ELMO1: variants seen among roughly 807,000 people sequenced by gnomAD.
The protein encoded by ELMO1 is engulfment and cell motility 1.
A neutral mutation model predicts 98.9 loss-of-function variants in ELMO1; 26 were observed. The observed-to-expected ratio is 0.26, with a 90% CI of 0.19 to 0.36. The LOEUF is 0.36. ELMO1 is among the 10% of genes least tolerant of loss of function. The pLI, the probability that ELMO1 is intolerant of heterozygous loss-of-function variation, is 1.00. For missense variants in ELMO1, 627 were observed against 935.2 expected (o/e 0.67, Z 4.30); for synonymous variants, 346 against 346.0 (o/e 1.00, Z 0.00).
intron 16 of ELMO1, among the ~76,000 whole-genome samples, chr7:36,989,764 G>A (rs1469768791): frequency 6.6e-6 from 1 of 152,164 alleles, no homozygotes; most frequent in Non-Finnish European, 1.5e-5. Flanking sequence ...TATGAAGAGA[G>A]AGCATGCAAG....
intron 10 of ELMO1, among the ~76,000 whole-genome samples, chr7:37,217,204 T>C (rs1320461704): frequency 6.6e-6 from 1 of 152,150 alleles, no homozygotes; most frequent in Non-Finnish European, 1.5e-5. Context: ...AGGGCAAATA[T>C]CTGGGTGATG....
At chr7:37,074,458 C>CCCA in intron 15 of ELMO1, among the ~76,000 whole-genome samples, 1 of 152,278 alleles carries the variant, frequency 6.6e-6, no homozygotes, top group Admixed American at 6.5e-5. Flanking sequence ...TCAATAAACT[C>CCCA]CCAGTGCCTG....
chr7:37,073,643 C>T (rs951547160), intron 15 of ELMO1, among the ~76,000 whole-genome samples: 1 of 151,418 alleles, frequency 6.6e-6, no homozygotes, highest in Non-Finnish European at 1.5e-5. Context: ...GTCGTCCAGG[C>T]TAGAGTACGG....
chr7:37,211,319 G>GT (rs1467161147), intron 13 of ELMO1, 67 bp downstream of exon 13: 1 of 1,609,992 alleles, frequency 6.2e-7, no homozygotes, highest in African/African-American at 1.3e-5. Context: ...AGAGACATCA[G>GT]TTATGTGGCT....
intron 16 of ELMO1, among the ~76,000 whole-genome samples, chr7:36,954,038 G>C (rs1029092187): frequency 1.3e-5 from 2 of 152,122 alleles, no homozygotes; most frequent in Admixed American, 1.3e-4. Flanking sequence ...CTACAACTTG[G>C]ACCCTTGCTC....
intron 16 of ELMO1, among the ~76,000 whole-genome samples, chr7:36,895,569 C>T (rs1051496334): frequency 2.0e-5 from 3 of 152,104 alleles, no homozygotes; most frequent in Non-Finnish European, 4.4e-5. Context: ...TGTGATATTG[C>T]CTCTTTGAGC....
At chr7:36,910,859 T>G (rs1784297390) in intron 16 of ELMO1, among the ~76,000 whole-genome samples, 1 of 152,206 alleles carries the variant, frequency 6.6e-6, no homozygotes, top group South Asian at 2.1e-4. Flanking sequence ...GTCTGTCTTT[T>G]CCTACTGCTC....
chr7:37,344,775 TGTGA>T (rs1191683349), intron 1 of ELMO1, among the ~76,000 whole-genome samples: 10 of 152,226 alleles, frequency 6.6e-5, no homozygotes, highest in Non-Finnish European at 1.5e-4. Flanking sequence ...TTTCTCTTAT[TGTGA>T]GTGAGGCTGA....
intron 1 of ELMO1, among the ~76,000 whole-genome samples, chr7:37,410,227 G>T (rs1344535948): frequency 1.3e-5 from 2 of 152,124 alleles, no homozygotes; most frequent in East Asian, 1.9e-4. Context: ...CAGTACTATT[G>T]CAGTTTGGTG....
chr7:37,108,843 G>A (rs1462263057), intron 14 of ELMO1, among the ~76,000 whole-genome samples: 4 of 152,180 alleles, frequency 2.6e-5, no homozygotes, highest in Non-Finnish European at 5.9e-5. Context: ...GCCCACAGAA[G>A]GTTCAGTCAC....
intron 11 of ELMO1, among the ~76,000 whole-genome samples, chr7:37,214,077 C>A (rs1401482844): frequency 2.6e-5 from 4 of 152,120 alleles, no homozygotes; most frequent in Non-Finnish European, 5.9e-5. Context: ...CCCATAGAAA[C>A]AGAACTGAAA....
rs572698209 is a variant in ELMO1 at position 37,010,095 on chromosome 7, C to G, written c.1437+3204G>C. Among the ~76,000 whole-genome samples the G allele has an allele frequency of 1.7e-4, 26 of 152,130 alleles. 1 individual carries two copies. In the South Asian group the frequency reaches 2.9e-3, roughly 17 times the overall value. On this transcript the variant is annotated intron_variant, in intron 16 of 21. Coordinates refer to ENST00000310758, the MANE Select transcript of ELMO1 (RefSeq NM_014800.11). The stretch of plus-strand genomic sequence containing the variant: ...TCCTTTTTAAAAAGGCTAGTGGAGG[C>G]GGAACAGGGCCATAAAAGAAAAGGG...
At chr7:37,448,985 C>A (rs1436682268), upstream of ELMO1, 3 of 152,302 alleles carry the variant, frequency 2.0e-5, no homozygotes, top group African/African-American at 4.8e-5. Context: ...GAACTCTCCT[C>A]CCGAGCGGAC....
intron 1 of ELMO1, among the ~76,000 whole-genome samples, chr7:37,383,959 G>C (rs1583661743): frequency 6.6e-6 from 1 of 152,248 alleles, no homozygotes; most frequent in East Asian, 1.9e-4. Flanking sequence ...GGGACTACAA[G>C]CGCCCGCCAC....
chr7:36,960,601 C>T (rs1423298401), intron 16 of ELMO1, among the ~76,000 whole-genome samples: 1 of 151,792 alleles, frequency 6.6e-6, no homozygotes, highest in Non-Finnish European at 1.5e-5. Flanking sequence ...GCCCCCCATC[C>T]CCCCCACTCA....
rs113362709 is a variant in ELMO1, at chr7:37,156,496, C to T, written c.1087-23262G>A. 7.9e-5 allele frequency among the ~76,000 whole-genome samples: 12 copies of T among 152,214 alleles called. 1 individual carries two copies. The highest frequency in any genetic ancestry group is 2.6e-4 in the African/African-American group (11 of 41,524). On this transcript the variant is annotated intron_variant, in intron 13 of 21. Transcript: ENST00000310758. ...AAAAAATGATAAAGGGATATCACCA[C>T]CAATCTCACAGAAATACAAACTACC... is the stretch of plus-strand genomic sequence containing the variant.
intron 4 of ELMO1, among the ~76,000 whole-genome samples, chr7:37,289,046 C>T (rs1474867630): frequency 1.3e-5 from 2 of 152,108 alleles, no homozygotes; most frequent in East Asian, 3.9e-4. Context: ...GTTTCCACAC[C>T]CAAAAGAACA....
chr7:37,137,806 G>A (rs1787366414), intron 13 of ELMO1, among the ~76,000 whole-genome samples: 1 of 152,064 alleles, frequency 6.6e-6, no homozygotes. Flanking sequence ...CAAAGTGCTG[G>A]GATTACAGGC....
chr7:37,297,409 C>T (rs539784995), intron 4 of ELMO1, among the ~76,000 whole-genome samples: 2 of 152,126 alleles, frequency 1.3e-5, no homozygotes, highest in African/African-American at 4.8e-5. Context: ...TCTAAGACTA[C>T]TGTGAATCCT....
Sources: allele counts gnomAD v4.1 joint callset (sites outside exome capture counted in the v4.1 genomes callset), GRCh38; gene constraint gnomAD v4.1.1; transcripts MANE v1.5; gene names NCBI Gene and HGNC (gene_info 2026-07-23, HGNC 2026-07-21).